Variants in LMO7 observed in about 807,000 individuals in gnomAD.
LMO7 encodes LIM domain only protein 7.
Under a neutral mutation model 206.5 loss-of-function variants are expected in LMO7, and 120 were observed. That is an observed-to-expected ratio of 0.58 (90% CI 0.50 to 0.68). The LOEUF (loss-of-function observed/expected upper bound fraction) is 0.68. LMO7 is among the 30% of genes least tolerant of loss of function. The probability of loss-of-function intolerance (pLI) is 0.00; values close to 1 mark genes in which losing one functional copy is unlikely to be tolerated. For synonymous variants in LMO7, 706 were observed against 681.5 expected (o/e 1.04, Z -0.56); for missense variants, 1,959 against 1,957.9 (o/e 1.00, Z -0.01).
At chr13:75,622,389 T>C (rs1304868915) in intron 1 of LMO7, 1 of 152,258 alleles carries the variant, frequency 6.6e-6, no homozygotes, top group African/African-American at 2.4e-5. Context: ...GGTAAGTGCA[T>C]GCAGAAACAT....
At chr13:75,686,290 G>T (rs2139573615) in intron 1 of LMO7, among the ~76,000 whole-genome samples, 1 of 152,240 alleles carries the variant, frequency 6.6e-6, no homozygotes, top group African/African-American at 2.4e-5. Context: ...TGTTTACCTG[G>T]TGGCAGACAA....
In LMO7 at chr13:75,623,229, G is replaced by A. The variant is rs575297773; in HGVS notation, c.176-42G>A. On this transcript the variant is annotated intron_variant, in intron 1 of 29. Transcript: ENST00000341547. The stretch of plus-strand genomic sequence containing the variant: ...GTTGATTACTTTTCATTTTTTTTCT[G>A]TATTGGTTTTTTAACTTTCCTAATC... The A allele has an allele frequency of 1.5e-5, 14 of 936,714 alleles. No individual in the cohort carries two copies. The African/African-American group carries it at 1.8e-4, about 12-fold the overall frequency. 58.0% of individuals were successfully genotyped at this position (936,714 alleles called of 1,614,324 possible).
chr13:75,791,581 T>G (rs2053291156), intron 4 of LMO7, among the ~76,000 whole-genome samples: 1 of 152,202 alleles, frequency 6.6e-6, no homozygotes, highest in Non-Finnish European at 1.5e-5. Flanking sequence ...AGACCCTGTC[T>G]TAAGGCAGTT....
At chr13:75,783,591 A>G (rs1325536450) in intron 4 of LMO7, among the ~76,000 whole-genome samples, 16 of 152,192 alleles carry the variant, frequency 1.1e-4, no homozygotes, top group Admixed American at 1.0e-3. Context: ...TCAAAGTACT[A>G]GGAATACTGG....
At chr13:75,748,731 A>C (rs1371783188) in intron 3 of LMO7, among the ~76,000 whole-genome samples, 1 of 152,132 alleles carries the variant, frequency 6.6e-6, no homozygotes, top group Non-Finnish European at 1.5e-5. Context: ...AGTTTGCATT[A>C]CTAGGTAGGA....
chr13:75,777,694 G>T (rs2050706768), intron 4 of LMO7, among the ~76,000 whole-genome samples: 1 of 138,166 alleles, frequency 7.2e-6, no homozygotes, highest in African/African-American at 2.7e-5. Context: ...CACCCAGGCT[G>T]GAGTGCAGTG....
At chr13:75,728,909 C>G (rs1355702275) in intron 3 of LMO7, among the ~76,000 whole-genome samples, 72 of 148,950 alleles carry the variant, frequency 4.8e-4, no homozygotes, top group Middle Eastern at 3.5e-3. Context: ...TTGTTTTTCT[C>G]AGGTTTGTCA....
At chr13:75,702,375 G>A (rs2042342058) in intron 1 of LMO7, among the ~76,000 whole-genome samples, 1 of 152,150 alleles carries the variant, frequency 6.6e-6, no homozygotes, top group African/African-American at 2.4e-5. Flanking sequence ...TAGGAGAAAT[G>A]TTTAGACTTT....
At chr13:75,718,038 GGTTCAA>G (rs1289604591) in intron 2 of LMO7, among the ~76,000 whole-genome samples, 20 of 152,296 alleles carry the variant, frequency 1.3e-4, no homozygotes, top group Middle Eastern at 3.4e-3. Context: ...ATGGTGTAAG[GGTTCAA>G]GTTCATAAAA....
At chr13:75,787,664 C>T (rs2052647075) in intron 4 of LMO7, among the ~76,000 whole-genome samples, 1 of 152,112 alleles carries the variant, frequency 6.6e-6, no homozygotes. Flanking sequence ...ATCTTATTTT[C>T]TCAAGTGTCA....
intron 26 of LMO7, among the ~76,000 whole-genome samples, chr13:75,846,891 C>T (rs898566846): frequency 6.6e-6 from 1 of 151,966 alleles, no homozygotes; most frequent in Non-Finnish European, 1.5e-5. Flanking sequence ...ATTAGCCAGG[C>T]GTGGTGGCAT....
At position 75,737,784 on chromosome 13, in the gene LMO7, A is replaced by AAAT. The variant is rs1354562272; in HGVS notation, c.210+10688_210+10689insTAA. 1.2e-4 allele frequency among the ~76,000 whole-genome samples: 11 copies of AAAT among 90,722 alleles called. 1 individual carries two copies. Among genetic ancestry groups the AAAT allele is most frequent in the East Asian group, 4.3e-4 (2 of 4,626 alleles). 59.5% of individuals were successfully genotyped at this position (90,722 alleles called of 152,430 possible). Reference sequence around the variant, plus strand: ...AAAAAAAATAAAATAAAATAAAATAAAAAAAAAAAAAAAAAAACTTTTTAC... The same window carrying AAAT: ...AAAAAAAATAAAATAAAATAAAATAAAATAAAAAAAAAAAAAAAAACTTTTTAC... On this transcript the variant is annotated intron_variant, in intron 3 of 30. Transcript: ENST00000377534.
At chr13:75,799,677 A>C (rs2054487890) in intron 6 of LMO7, among the ~76,000 whole-genome samples, 2 of 152,142 alleles carry the variant, frequency 1.3e-5, no homozygotes, top group Admixed American at 1.3e-4. Flanking sequence ...GGTTCTTTAA[A>C]TTGTCTCTGT....
chr13:75,626,596 T>TATATATATA (rs2034212591), intron 2 of LMO7, among the ~76,000 whole-genome samples: 2 of 119,896 alleles, frequency 1.7e-5, no homozygotes, highest in African/African-American at 2.8e-5. Flanking sequence ...TATATATAAA[T>TATATATATA]TTTTTTGAGA....
intron 3 of LMO7, among the ~76,000 whole-genome samples, chr13:75,741,385 T>C (rs1490162560): frequency 1.3e-5 from 2 of 152,230 alleles, no homozygotes; most frequent in Admixed American, 1.3e-4. Flanking sequence ...AGCATAAAAC[T>C]TAGCCATTTA....
chr13:75,710,968 G>A (rs988255904), intron 1 of LMO7, among the ~76,000 whole-genome samples: 19 of 152,064 alleles, frequency 1.2e-4, no homozygotes, highest in Admixed American at 4.6e-4. Flanking sequence ...TTTGAGATAC[G>A]TCCCATCAAT....
upstream of LMO7, among the ~76,000 whole-genome samples, chr13:75,634,280 A>T (rs1282415229): frequency 6.6e-6 from 1 of 152,006 alleles, no homozygotes; most frequent in African/African-American, 2.4e-5. Context: ...TCTACAAAAA[A>T]TACAGAAATT....
Position 75,858,085 on chromosome 13 carries a change from T to A in LMO7, c.*142T>A. 1.2e-6 allele frequency: 1 copy of A among 839,900 alleles called. No individual in the cohort carries two copies. 52.0% of individuals were successfully genotyped at this position (839,900 alleles called of 1,614,324 possible). A position where few individuals can be genotyped will look rare whatever the true frequency, so the allele number is the denominator to read the frequency against. ...ACTTTTTTTGCCTCTTTAGATTACATAGAAGCATTGTAGTCTTGGTAGAAC... is the reference window on the plus strand; with the variant it reads ...ACTTTTTTTGCCTCTTTAGATTACAAAGAAGCATTGTAGTCTTGGTAGAAC... On this transcript the variant is annotated 3_prime_UTR_variant, in exon 31 of 31. Coordinates refer to ENST00000377534, the MANE Select transcript of LMO7 (RefSeq NM_001306080.2).
At chr13:75,844,034 T>C (rs1451685704) in intron 25 of LMO7, among the ~76,000 whole-genome samples, 1 of 152,144 alleles carries the variant, frequency 6.6e-6, no homozygotes, top group African/African-American at 2.4e-5. Flanking sequence ...CTTTTAAAAG[T>C]TATGGATTTA....
Sources: gnomAD v4.1 joint callset for allele counts (sites outside exome capture counted in the v4.1 genomes callset) on GRCh38, gnomAD v4.1.1 for gene constraint, MANE v1.5 for transcripts, NCBI Gene and HGNC (gene_info 2026-07-23, HGNC 2026-07-21) for gene names.